Variants in ITPR3 observed in about 807,000 individuals in gnomAD.
ITPR3 encodes the protein inositol 1,4,5-trisphosphate-gated calcium channel ITPR3.
In ITPR3, 173 loss-of-function variants were observed where a neutral mutation model predicts 293.2. The ratio of observed to expected loss-of-function variants is 0.59; its 90% CI spans 0.52 to 0.67. The LOEUF is 0.67. ITPR3 is among the 30% of genes least tolerant of loss of function. ITPR3 has a pLI of 0.00. For synonymous variants in ITPR3, 1,295 were observed against 1,444.4 expected, an observed-to-expected ratio of 0.90 and a Z score of 2.35; for missense variants, 2,796 against 3,592.1, an observed-to-expected ratio of 0.78 and a Z score of 5.66.
At chr6:33,625,252 A>G (rs1763525288) in intron 1 of ITPR3, among the ~76,000 whole-genome samples, 1 of 151,378 alleles carries the variant, frequency 6.6e-6, no homozygotes, top group Admixed American at 6.6e-5. Context: ...TTTTTGAGAC[A>G]GAGTTTCACT....
At chr6:33,673,251 G>A (rs1376526523) in intron 22 of ITPR3, among the ~76,000 whole-genome samples, 3 of 152,150 alleles carry the variant, frequency 2.0e-5, no homozygotes, top group East Asian at 1.9e-4. Context: ...TGGACCTGGG[G>A]GCTTCATTCC....
intron 1 of ITPR3, among the ~76,000 whole-genome samples, chr6:33,623,468 C>T (rs1456635333): frequency 6.6e-6 from 1 of 151,756 alleles, no homozygotes; most frequent in Non-Finnish European, 1.5e-5. Context: ...GCTGGGACTA[C>T]AGGCACATCA....
In ITPR3 at chr6:33,666,982, T is replaced by A; in HGVS notation, c.1552-147T>A. On this transcript the variant is annotated intron_variant, in intron 14 of 57. Transcript: ENST00000605930. The surrounding 1 kb of genome is among the most constrained non-coding windows in gnomAD (Gnocchi z 5.1). ...GGGGCTGAGGATGGCTGGGCTGGGGTTGTGGTCCAGCTTAGAATCAGCTCG... is the reference window on the plus strand; with the variant it reads ...GGGGCTGAGGATGGCTGGGCTGGGGATGTGGTCCAGCTTAGAATCAGCTCG... 1 of 919,056 alleles carries A rather than the reference T, an allele frequency of 1.1e-6. No homozygotes were observed. Among genetic ancestry groups the A allele is most frequent in the Non-Finnish European group, 1.7e-6 (1 of 604,918 alleles). The allele number at this position is 919,056 out of a possible 1,614,324, so 56.9% of individuals were successfully genotyped here.
chr6:33,644,662 GTTTT>G (rs61492756), intron 2 of ITPR3, among the ~76,000 whole-genome samples: 1 of 124,366 alleles, frequency 8.0e-6, no homozygotes, highest in South Asian at 2.6e-4. Context: ...CACAATATAG[GTTTT>G]TTTTTTTTTT....
chr6:33,633,591 C>T lies in ITPR3; in HGVS notation c.90-6893C>T, dbSNP rs1443292826. Among the ~76,000 whole-genome samples the T allele has an allele frequency of 6.6e-6, 1 of 151,756 alleles. No individual in the cohort carries two copies. The highest frequency in any genetic ancestry group is 1.5e-5 in the Non-Finnish European group (1 of 67,886). ...AGCGCGGGCGCAGCGGCACATCACC[C>T]GCCCCGCCCCCGGGCGCGTCTGGCG... On this transcript the variant is annotated intron_variant, in intron 1 of 57. Transcript: ENST00000605930. This position sits in a 1 kb window ranked among gnomAD's most constrained non-coding sequence, Gnocchi z 5.2.
intron 1 of ITPR3, among the ~76,000 whole-genome samples, chr6:33,628,336 A>G (rs556789103): frequency 6.6e-6 from 1 of 152,310 alleles, no homozygotes; most frequent in African/African-American, 2.4e-5. Context: ...GCAGATCTCT[A>G]CTAAGTTCAT....
chr6:33,641,273 TCAGA>T (rs1329863720), intron 2 of ITPR3, among the ~76,000 whole-genome samples: 1 of 152,114 alleles, frequency 6.6e-6, no homozygotes, highest in Non-Finnish European at 1.5e-5. Context: ...CGACTGACAG[TCAGA>T]CAGACAGGTC....
At position 33,691,117 on chromosome 6, in the gene ITPR3, A is replaced by G. The variant is rs780454932; in HGVS notation, c.7225+8A>G. The G allele has an allele frequency of 1.9e-6, 3 of 1,613,578 alleles. No individual in the cohort carries two copies. The highest frequency in any genetic ancestry group is 4.5e-5 in the East Asian group (2 of 44,876). On this transcript the variant is annotated splice_region_variant and intron_variant, in intron 52 of 57. Coordinates refer to ENST00000605930, the MANE Select transcript of ITPR3 (RefSeq NM_002224.4). This position sits in a 1 kb window ranked among gnomAD's most constrained non-coding sequence, Gnocchi z 4.9. ...CCAACAACCACTCCACAGGTCTTGG[A>G]GGCTTCCTCTCCTGGGCAGGTTGTG...
chr6:33,657,821 GTGT>G (rs1433650539), intron 3 of ITPR3, 108 bp from the exon 4 acceptor site: 27 of 791,898 alleles, frequency 3.4e-5, no homozygotes, highest in Non-Finnish European at 5.6e-5. Flanking sequence ...GTGACTGTGT[GTGT>G]GTGTGTGTGT....
At chr6:33,681,082 G>A (rs989391083) in intron 33 of ITPR3, among the ~76,000 whole-genome samples, 1 of 152,172 alleles carries the variant, frequency 6.6e-6, no homozygotes, top group African/African-American at 2.4e-5. Context: ...GCTTCCCAAA[G>A]TGCTGGGATT....
In ITPR3 at chr6:33,682,998, G is replaced by A. The variant is rs1411290876; in HGVS notation, c.4598-209G>A. ...GGGGAAGTCAGGGTAGAGCCGGGGGGAATCAAAGAGGCAGAAACTCCTTTT... is the reference window on the plus strand; with the variant it reads ...GGGGAAGTCAGGGTAGAGCCGGGGGAAATCAAAGAGGCAGAAACTCCTTTT... On this transcript the variant is annotated intron_variant, in intron 34 of 57. Transcript: ENST00000605930. This position sits in a 1 kb window ranked among gnomAD's most constrained non-coding sequence, Gnocchi z 5.4. 6.6e-6 allele frequency among the ~76,000 whole-genome samples: 1 copy of A among 151,364 alleles called. No homozygotes were observed. Among genetic ancestry groups the A allele is most frequent in the Admixed American group, 6.6e-5 (1 of 15,180 alleles).
chr6:33,672,264 A>C lies in ITPR3; in HGVS notation c.2928+36A>C. 1 of 1,280,888 alleles carries C rather than the reference A, an allele frequency of 7.8e-7. No homozygotes were observed. The allele number at this position is 1,280,888 out of a possible 1,614,324, so 79.3% of individuals were successfully genotyped here. On this transcript the variant is annotated intron_variant, in intron 22 of 57. Transcript: ENST00000605930. The surrounding 1 kb of genome is among the most constrained non-coding windows in gnomAD (Gnocchi z 5.0). ...CAGGACCGTGTGGGAGGTGTTGGGT[A>C]TAGGGGGAGGGTAATGGGGCGGGTA...
chr6:33,630,371 A>G (rs933539293), intron 1 of ITPR3, among the ~76,000 whole-genome samples: 5 of 152,228 alleles, frequency 3.3e-5, no homozygotes, highest in Non-Finnish European at 7.3e-5. Flanking sequence ...CTACAGCCTC[A>G]GTTACTCTGT....
In ITPR3 at chr6:33,673,637, C is replaced by T. The variant is rs1764829137; in HGVS notation, c.2975C>T (p.Ser992Phe). The change falls in exon 23 of 58, where the codon TCT (serine) becomes TTT (phenylalanine). Residue 992 changes from serine to phenylalanine, a missense_variant. Coordinates refer to ENST00000605930, the MANE Select transcript of ITPR3 (RefSeq NM_002224.4). ...RLDYRISYLL[S>F]VFKKEFVEVF... is the part of the protein sequence containing the mutation. ...GATTACCGCATATCCTACCTGCTGTCTGTCTTCAAGAAGGAGTTTGTGGAG... is the reference window on the plus strand; with the variant it reads ...GATTACCGCATATCCTACCTGCTGTTTGTCTTCAAGAAGGAGTTTGTGGAG... The T allele has an allele frequency of 6.2e-7, 1 of 1,614,100 alleles. No homozygotes were observed. The highest frequency in any genetic ancestry group is 8.5e-7 in the Non-Finnish European group (1 of 1,180,038).
In ITPR3 at chr6:33,680,445, C is replaced by T; in HGVS notation, c.4341C>T (p.Asp1447=). The change falls in exon 32 of 58, where the codon GAC becomes GAT. Residue 1447 remains aspartate, a synonymous_variant. Coordinates refer to ENST00000605930, the MANE Select transcript of ITPR3 (RefSeq NM_002224.4). ...CGCTCTTTGAGAACTTCACCCTGGA[C>T]ATGGCCCGGGTCTGTCCCTGTGAGG... is the stretch of plus-strand genomic sequence containing the variant. ...IWTLFENFTL[D]MARVCSKREK... is the part of the protein sequence containing the mutation. 6.2e-7 allele frequency: 1 copy of T among 1,613,354 alleles called. No homozygotes were observed. The highest frequency in any genetic ancestry group is 8.5e-7 in the Non-Finnish European group (1 of 1,179,980).
Position 33,657,861 on chromosome 6 carries a change from G to T in ITPR3, c.283-71G>T. On this transcript the variant is annotated intron_variant, in intron 3 of 57. Transcript: ENST00000605930. ...TGTGTGCATGTGTGCGTGCATGTGT[G>T]GGGCTGGGGTATGTCTTCCTCTAGG... 2.4e-6 allele frequency: 3 copies of T among 1,270,436 alleles called. No homozygotes were observed. In the East Asian group the frequency reaches 7.3e-5, roughly 31 times the overall value. 78.7% of individuals were successfully genotyped at this position (1,270,436 alleles called of 1,614,324 possible). A position where few individuals can be genotyped will look rare whatever the true frequency, so the allele number is the denominator to read the frequency against.
In ITPR3 at chr6:33,690,113, T is replaced by C. The variant is rs1394926968; in HGVS notation, c.6947T>C (p.Met2316Thr). 4.3e-6 allele frequency: 7 copies of C among 1,614,124 alleles called. No homozygotes were observed. Among genetic ancestry groups the C allele is most frequent in the Non-Finnish European group, 5.9e-6 (7 of 1,180,020 alleles). Residue 2316 changes from methionine (M) to threonine (T), a missense_variant, in exon 51 of 58, where the codon ATG becomes ACG. Transcript: ENST00000605930. Reference sequence around the variant, plus strand: ...ATCCGGGGCTATAAGGCCATGGTCATGGACATGGAATTCCTCTACCACGTG... The same window carrying C: ...ATCCGGGGCTATAAGGCCATGGTCACGGACATGGAATTCCTCTACCACGTG... ...TFIRGYKAMV[M>T]DMEFLYHVGY...
intron 57 of ITPR3, chr6:33,695,509 G>A (rs1765518580): frequency 8.4e-6 from 5 of 598,442 alleles, no homozygotes; most frequent in Non-Finnish European, 1.5e-5. Flanking sequence ...TCAAATCCAG[G>A]GTTTGTGACA....
At chr6:33,656,444 A>G (rs4259245) in intron 3 of ITPR3, among the ~76,000 whole-genome samples, 47,819 of 152,024 alleles carry the variant, frequency 0.31, 8,048 homozygotes, top group Non-Finnish European at 0.39. Context: ...GGAGCCCTGG[A>G]TCTAGTCTTA....
Sources: allele counts gnomAD v4.1 joint callset (sites outside exome capture counted in the v4.1 genomes callset), GRCh38; gene constraint gnomAD v4.1.1; non-coding constraint Gnocchi (gnomAD v3.1); transcripts MANE v1.5; gene names NCBI Gene and HGNC (gene_info 2026-07-23, HGNC 2026-07-21).